The following PHACTR1 variants were observed in gnomAD, a reference collection of about 807,000 sequenced individuals.
PHACTR1 encodes the protein RPEL repeat containing 1.
In PHACTR1, 16 loss-of-function variants were observed where a neutral mutation model predicts 69.2. The ratio of observed to expected loss-of-function variants is 0.23; its 90% confidence interval spans 0.16 to 0.35. PHACTR1 has a LOEUF of 0.35. PHACTR1 is among the 10% of genes least tolerant of loss of function. The pLI, the probability that PHACTR1 is intolerant of heterozygous loss-of-function variation, is 1.00. For synonymous variants in PHACTR1, 312 were observed against 284.5 expected (o/e 1.10, Z -0.97); for missense variants, 510 against 734.7 (o/e 0.69, Z 3.54).
At chr6:12,972,711 G>A (rs150197939) in intron 4 of PHACTR1, among the ~76,000 whole-genome samples, 11 of 149,286 alleles carry the variant, frequency 7.4e-5, no homozygotes, top group Non-Finnish European at 1.6e-4. Context: ...GAGTGCAGTG[G>A]TGCAATCTCG....
At chr6:12,896,134 C>T (rs1784643935) in intron 4 of PHACTR1, among the ~76,000 whole-genome samples, 1 of 152,204 alleles carries the variant, frequency 6.6e-6, no homozygotes, top group African/African-American at 2.4e-5. Context: ...GCCTAATAGA[C>T]AACATGCCAA....
intron 5 of PHACTR1, among the ~76,000 whole-genome samples, chr6:13,123,397 A>G (rs1485215173): frequency 1.3e-5 from 2 of 152,182 alleles, no homozygotes; most frequent in Non-Finnish European, 2.9e-5. Flanking sequence ...ATGAAGGACA[A>G]GAAGGAGAGC....
In PHACTR1 at chr6:12,825,316, C is replaced by CAA. The variant is rs71552719; in HGVS notation, c.250+75540_250+75541dup. 7.7e-3 allele frequency among the ~76,000 whole-genome samples: 1,016 copies of CAA among 131,274 alleles called. 17 individuals are homozygous for CAA. Among genetic ancestry groups the CAA allele is most frequent in the African/African-American group, 0.026 (947 of 35,774 alleles). 86.1% of individuals were successfully genotyped at this position (131,274 alleles called of 152,430 possible). On this transcript the variant is annotated intron_variant, in intron 4 of 14. Coordinates refer to ENST00000332995, the MANE Select transcript of PHACTR1 (RefSeq NM_030948.6). ...CAACAGAACAAAACCCTCTCTCTCTCAAAAAAAAAAAAAAAGTGTTTAGAA... is the reference window on the plus strand; with the variant it reads ...CAACAGAACAAAACCCTCTCTCTCTCAAAAAAAAAAAAAAAAAGTGTTTAGAA...
At chr6:13,025,714 T>G (rs543260160) in intron 4 of PHACTR1, among the ~76,000 whole-genome samples, 17 of 151,918 alleles carry the variant, frequency 1.1e-4, no homozygotes, top group Non-Finnish European at 2.2e-4. Context: ...TGTGTGTCTG[T>G]GTGTATGGGT....
intron 7 of PHACTR1, among the ~76,000 whole-genome samples, chr6:13,194,045 T>C (rs1253859676): frequency 6.6e-6 from 1 of 152,198 alleles, no homozygotes; most frequent in African/African-American, 2.4e-5. Flanking sequence ...ACAAAATACT[T>C]ACTGATCCTC....
intron 4 of PHACTR1, among the ~76,000 whole-genome samples, chr6:12,802,476 C>T (rs780763753): frequency 7.2e-5 from 11 of 151,934 alleles, no homozygotes; most frequent in Admixed American, 2.0e-4. Context: ...GATGTATATA[C>T]AAGTATCAGA....
chr6:13,261,917 G>T (rs958597857), intron 10 of PHACTR1, among the ~76,000 whole-genome samples: 1 of 152,212 alleles, frequency 6.6e-6, no homozygotes, highest in African/African-American at 2.4e-5. Flanking sequence ...ATCATTCTGG[G>T]TGAAGGACAG....
At chr6:13,124,239 C>T (rs975315653) in intron 5 of PHACTR1, among the ~76,000 whole-genome samples, 27 of 152,116 alleles carry the variant, frequency 1.8e-4, no homozygotes, top group African/African-American at 5.8e-4. Context: ...GCATCCCACC[C>T]GACTTGGGAT....
intron 4 of PHACTR1, among the ~76,000 whole-genome samples, chr6:12,961,098 G>C (rs1397109878): frequency 1.3e-5 from 2 of 152,128 alleles, no homozygotes; most frequent in Non-Finnish European, 2.9e-5. Flanking sequence ...GGTTCTCTAG[G>C]TATAGGTTGA....
chr6:13,248,617 C>T (rs555606525), intron 10 of PHACTR1, among the ~76,000 whole-genome samples: 3 of 152,192 alleles, frequency 2.0e-5, no homozygotes, highest in East Asian at 3.9e-4. Context: ...TTGAGGTGAT[C>T]GCAAAGCCCC....
intron 4 of PHACTR1, among the ~76,000 whole-genome samples, chr6:12,757,943 C>T (rs1767539866): frequency 6.6e-6 from 1 of 152,130 alleles, no homozygotes; most frequent in Non-Finnish European, 1.5e-5. Context: ...GAAACCCCGT[C>T]TCTACTAAAA....
intron 4 of PHACTR1, among the ~76,000 whole-genome samples, chr6:12,925,094 G>A (rs1177688299): frequency 1.3e-5 from 2 of 152,164 alleles, no homozygotes; most frequent in Non-Finnish European, 2.9e-5. Context: ...GGCAGTGGCT[G>A]CTAAAATGCA....
intron 5 of PHACTR1, among the ~76,000 whole-genome samples, chr6:13,132,430 C>T (rs1272862475): frequency 1.3e-5 from 2 of 152,172 alleles, no homozygotes; most frequent in African/African-American, 4.8e-5. Flanking sequence ...GTTCTGCAGA[C>T]ACCCGTGCTC....
chr6:13,074,073 A>G (rs1003785866), intron 5 of PHACTR1, among the ~76,000 whole-genome samples: 1 of 151,988 alleles, frequency 6.6e-6, no homozygotes, highest in Non-Finnish European at 1.5e-5. Flanking sequence ...AGGTTTCACC[A>G]TGTTGGTCAG....
intron 4 of PHACTR1, among the ~76,000 whole-genome samples, chr6:12,902,292 A>T (rs1192421249): frequency 6.6e-6 from 1 of 152,174 alleles, no homozygotes. Context: ...ATATGGTGGC[A>T]CGTACCTGTA....
intron 3 of PHACTR1, among the ~76,000 whole-genome samples, chr6:12,722,380 G>A (rs1319607271): frequency 1.3e-5 from 2 of 152,194 alleles, no homozygotes; most frequent in African/African-American, 4.8e-5. Context: ...GTTCCAGGAA[G>A]ATAACACCTT....
intron 5 of PHACTR1, among the ~76,000 whole-genome samples, chr6:13,152,310 G>A (rs921380367): frequency 8.6e-5 from 13 of 151,888 alleles, no homozygotes; most frequent in African/African-American, 2.7e-4. Context: ...CTCCAGCCTG[G>A]GCAACAGAGC....
chr6:12,972,856 G>C (rs1167879142), intron 4 of PHACTR1, among the ~76,000 whole-genome samples: 2 of 152,098 alleles, frequency 1.3e-5, no homozygotes, highest in Admixed American at 6.5e-5. Flanking sequence ...TCACCGTATT[G>C]ATCAGGCTGG....
intron 7 of PHACTR1, among the ~76,000 whole-genome samples, chr6:13,193,379 A>ATATATATATATATATATATATATATT (rs1763891914): frequency 7.3e-6 from 1 of 136,074 alleles, no homozygotes; most frequent in Non-Finnish European, 1.6e-5. Context: ...ATATATATAT[A>ATATATATATATATATATATATATATT]TATATAGTTT....
Sources: allele counts gnomAD v4.1 joint callset (sites outside exome capture counted in the v4.1 genomes callset), GRCh38; gene constraint gnomAD v4.1.1; transcripts MANE v1.5; gene names NCBI Gene and HGNC (gene_info 2026-07-23, HGNC 2026-07-21).